LRRC8E: variants seen among roughly 807,000 people sequenced by gnomAD.
LRRC8E encodes volume-regulated anion channel subunit LRRC8E.
In LRRC8E, 6 loss-of-function variants were observed where a neutral mutation model predicts 6.1. The ratio of observed to expected loss-of-function variants is 0.98; its 90% CI spans 0.54 to 1.93. The LOEUF is 1.93. Among genes scored for constraint, LRRC8E ranks in the 30% most tolerant of loss-of-function variants. The pLI is 0.01. For synonymous variants in LRRC8E, 485 were observed against 472.8 expected (o/e 1.03, Z -0.33); for missense variants, 1,028 against 1,031.4 (o/e 1.00, Z 0.04).
chr19:7,889,100 G>A (rs550760428), intron 1 of LRRC8E, among the ~76,000 whole-genome samples: 4 of 152,146 alleles, frequency 2.6e-5, no homozygotes, highest in East Asian at 1.9e-4. Flanking sequence ...GACCCAGGAC[G>A]GGCTACAAAG....
chr19:7,895,507 CCTGCCTGTG>C lies in LRRC8E; in HGVS notation c.-5-91_-5-83del. 1 of 1,508,666 alleles carries C rather than the reference CCTGCCTGTG, an allele frequency of 6.6e-7. No individual in the cohort carries two copies. The highest frequency in any genetic ancestry group is 9.1e-7 in the Non-Finnish European group (1 of 1,100,180). 93.5% of individuals were successfully genotyped at this position (1,508,666 alleles called of 1,614,324 possible). On this transcript the variant is annotated intron_variant, in intron 1 of 2. Transcript: ENST00000306708. This position sits in a 1 kb window ranked among gnomAD's most constrained non-coding sequence, Gnocchi z 4.7. Reference sequence around the variant, plus strand: ...AAGTTTGGGCAGGGAGGGTCACAGGCCTGCCTGTGTCCGGCTCCTCGGAGGACCCCCTGC... The same window carrying C: ...AAGTTTGGGCAGGGAGGGTCACAGGCTCCGGCTCCTCGGAGGACCCCCTGC...
Position 7,900,035 on chromosome 19 carries a change from G to T in LRRC8E, c.1513G>T (p.Gly505Trp). The T allele has an allele frequency of 1.2e-6, 2 of 1,610,584 alleles. No individual in the cohort carries two copies. Among genetic ancestry groups the T allele is most frequent in the Non-Finnish European group, 1.7e-6 (2 of 1,179,388 alleles). ...CCGCGAGGTGCCGCTTTGGGTGTTTGGGCTGCGGGGCTTGGAGGAGCTGCA... is the reference window on the plus strand; with the variant it reads ...CCGCGAGGTGCCGCTTTGGGTGTTTTGGCTGCGGGGCTTGGAGGAGCTGCA... ...ELREVPLWVF[G>W]LRGLEELHLE... The change falls in exon 3 of 3, where the codon GGG becomes TGG. Residue 505 changes from glycine to tryptophan, a missense_variant. Coordinates refer to ENST00000306708, the MANE Select transcript of LRRC8E (RefSeq NM_025061.6). This position sits in a 1 kb window ranked among gnomAD's most constrained non-coding sequence, Gnocchi z 5.0.
rs777004836 is a variant in LRRC8E, at chr19:7,899,180, G to A, written c.658G>A (p.Val220Ile). The A allele has an allele frequency of 1.7e-4, 268 of 1,614,064 alleles. No homozygotes were observed. Among genetic ancestry groups the A allele is most frequent in the Non-Finnish European group, 2.2e-4 (260 of 1,180,054 alleles). Residue 220 changes from valine (V) to isoleucine (I), a missense_variant, in exon 3 of 3, where the codon GTC becomes ATC. Val to Ile is a conservative substitution (Grantham distance 29). Coordinates refer to ENST00000306708, the MANE Select transcript of LRRC8E (RefSeq NM_025061.6). ...GAAGGTGGTGACCGAGCCTCCAGTT[G>A]TCACCCTGTTGGACAAGAAGGAGGG... ...PEKVVTEPPV[V>I]TLLDKKEGEQ...
Position 7,901,618 on chromosome 19 carries a change from C to T in LRRC8E, c.*705C>T, listed in dbSNP as rs1177996047. 1 of 151,684 alleles carries T rather than the reference C, an allele frequency of 6.6e-6. No individual in the cohort carries two copies. Among genetic ancestry groups the T allele is most frequent in the East Asian group, 1.9e-4 (1 of 5,162 alleles). 9.4% of individuals were successfully genotyped at this position (151,684 alleles called of 1,614,324 possible). On this transcript the variant is annotated 3_prime_UTR_variant, in exon 3 of 3. Coordinates refer to ENST00000306708, the MANE Select transcript of LRRC8E (RefSeq NM_025061.6). Reference sequence around the variant, plus strand: ...CAGGGCCGGGCGCTGTGGCTCATGACTATAATCCCAGCTGTTTGAGAGGCC... The same window carrying T: ...CAGGGCCGGGCGCTGTGGCTCATGATTATAATCCCAGCTGTTTGAGAGGCC...
chr19:7,901,122 T>A lies in LRRC8E; in HGVS notation c.*209T>A, dbSNP rs1981992522. The A allele has an allele frequency of 4.1e-6, 2 of 490,648 alleles. No homozygotes were observed. The highest frequency in any genetic ancestry group is 7.4e-5 in the Admixed American group (2 of 27,196). The allele number at this position is 490,648 out of a possible 1,614,324, so 30.4% of individuals were successfully genotyped here. On this transcript the variant is annotated 3_prime_UTR_variant, in exon 3 of 3. Coordinates refer to ENST00000306708, the MANE Select transcript of LRRC8E (RefSeq NM_025061.6). ...GATGTTGTGGAGCTGGGGTGGAACC[T>A]GGTATGGAGGGATTAACTCAGTCAT...
At chr19:7,896,612 G>T (rs1426952088) in intron 2 of LRRC8E, among the ~76,000 whole-genome samples, 2 of 151,524 alleles carry the variant, frequency 1.3e-5, no homozygotes, top group African/African-American at 4.8e-5. Context: ...TTAAAATAAA[G>T]AAACACGGTC....
At chr19:7,893,483 T>C (rs1981420946) in intron 1 of LRRC8E, 1 of 151,534 alleles carries the variant, frequency 6.6e-6, no homozygotes, top group Non-Finnish European at 1.5e-5. Context: ...CCCTGTGCTC[T>C]GGGCACCCCC....
intron 1 of LRRC8E, among the ~76,000 whole-genome samples, chr19:7,892,657 C>A (rs990652043): frequency 6.6e-6 from 1 of 152,194 alleles, no homozygotes; most frequent in Non-Finnish European, 1.5e-5. Flanking sequence ...ACTTTATACC[C>A]TCGTGCACAA....
In LRRC8E at chr19:7,901,045, T is replaced by G; in HGVS notation, c.*132T>G. The G allele has an allele frequency of 2.8e-6, 2 of 706,590 alleles. No individual in the cohort carries two copies. The highest frequency in any genetic ancestry group is 4.4e-6 in the Non-Finnish European group (2 of 452,076). 43.8% of individuals were successfully genotyped at this position (706,590 alleles called of 1,614,324 possible). A position where few individuals can be genotyped will look rare whatever the true frequency, so the allele number is the denominator to read the frequency against. On this transcript the variant is annotated 3_prime_UTR_variant, in exon 3 of 3. Transcript: ENST00000306708. ...GGGGGGGGCGGGGGCAGCTGTGTCA[T>G]CTTTCTGGGGCCCAGGAGGATCTGG...
rs1981758527 is a variant in LRRC8E, at chr19:7,898,899, C to A, written c.377C>A (p.Thr126Lys). 1.2e-6 allele frequency: 2 copies of A among 1,614,130 alleles called. No individual in the cohort carries two copies. Among genetic ancestry groups the A allele is most frequent in the South Asian group, 1.1e-5 (1 of 91,096 alleles). The change falls in exon 3 of 3, where the codon ACA becomes AAA. Residue 126 changes from threonine (T) to lysine (K), a missense_variant. Physicochemically the swap from Thr to Lys is moderately conservative, Grantham distance 78 (BLOSUM62 -1). Transcript: ENST00000306708. ...TTCCCTTACCTCGTGGTCATTCACA[C>A]ACTCATCTTCATGGTCTGCACCAGT... ...KYFPYLVVIH[T>K]LIFMVCTSFW...
intron 1 of LRRC8E, among the ~76,000 whole-genome samples, chr19:7,893,306 A>C (rs1267779035): frequency 2.7e-5 from 4 of 150,898 alleles, no homozygotes; most frequent in Non-Finnish European, 5.9e-5. Flanking sequence ...GCACCTGGCT[A>C]ATTTTTGTAT....
chr19:7,900,071 CT>C lies in LRRC8E; in HGVS notation c.1553del (p.Phe518SerfsTer5). On this transcript the variant is annotated frameshift_variant, in exon 3 of 3. Transcript: ENST00000306708. LOFTEE classifies it low-confidence loss of function (END_TRUNC). The surrounding 1 kb of genome is among the most constrained non-coding windows in gnomAD (Gnocchi z 5.0). ...RGLEELHLEGLFPQELARAAT... is the reference protein window; with the variant it reads ...RGLEELHLEGXFPQELARAAT... ...CTTGGAGGAGCTGCACCTGGAGGGG[CT>C]TTTCCCCCAGGAGCTAGCTCGGGCA... The C allele has an allele frequency of 2.5e-6, 4 of 1,611,870 alleles. No homozygotes were observed. Among genetic ancestry groups the C allele is most frequent in the South Asian group, 1.1e-5 (1 of 90,996 alleles).
In LRRC8E at chr19:7,895,551, C is replaced by T; in HGVS notation, c.-5-48C>T. ...TCGGAGGACCCCCTGCAGAGCCTCC[C>T]ATCCTGAGGGTCTCTCTCTACACCC... On this transcript the variant is annotated intron_variant, in intron 1 of 2. Coordinates refer to ENST00000306708, the MANE Select transcript of LRRC8E (RefSeq NM_025061.6). The surrounding 1 kb of genome is among the most constrained non-coding windows in gnomAD (Gnocchi z 4.7). 6.3e-7 allele frequency: 1 copy of T among 1,589,736 alleles called. No homozygotes were observed. Among genetic ancestry groups the T allele is most frequent in the Non-Finnish European group, 8.6e-7 (1 of 1,160,740 alleles).
chr19:7,900,730 GCT>G lies in LRRC8E; in HGVS notation c.2212_2213del (p.Ser738AlafsTer68). ...LLLGDNQLSQ[L>X]SPHVGALRAL... The stretch of plus-strand genomic sequence containing the variant: ...TTCTGGGCGACAACCAGCTGAGCCA[GCT>G]CTCGCCCCACGTGGGTGCCCTCAGA... On this transcript the variant is annotated frameshift_variant, in exon 3 of 3. Coordinates refer to ENST00000306708, the MANE Select transcript of LRRC8E (RefSeq NM_025061.6). LOFTEE classifies it low-confidence loss of function (END_TRUNC). The surrounding 1 kb of genome is among the most constrained non-coding windows in gnomAD (Gnocchi z 5.0). The G allele has an allele frequency of 7.4e-6, 12 of 1,613,098 alleles. No individual in the cohort carries two copies. The highest frequency in any genetic ancestry group is 1.0e-5 in the Non-Finnish European group (12 of 1,179,874).
rs760389916 is a variant in LRRC8E at position 7,899,661 on chromosome 19, G to A, written c.1139G>A (p.Arg380His). 29 of 1,613,566 alleles carry A rather than the reference G, an allele frequency of 1.8e-5. No individual in the cohort carries two copies. Among genetic ancestry groups the A allele is most frequent in the Admixed American group, 5.0e-5 (3 of 60,002 alleles). ...CAGTACGACTCCCTCTACTCCAAGC[G>A]CTTCGCCGTCTTCCTGTCCGAGGTC... is the stretch of plus-strand genomic sequence containing the variant. ...IDQYDSLYSK[R>H]FAVFLSEVSE... Residue 380 changes from arginine to histidine, a missense_variant, in exon 3 of 3, where the codon CGC becomes CAC. Transcript: ENST00000306708.
intron 1 of LRRC8E, among the ~76,000 whole-genome samples, chr19:7,894,832 A>G (rs1415748204): frequency 6.6e-6 from 1 of 152,192 alleles, no homozygotes; most frequent in Non-Finnish European, 1.5e-5. Flanking sequence ...CGCAGATGTC[A>G]CCTGACAACT....
rs754101000 is a variant in LRRC8E, at chr19:7,900,670, A to G, written c.2148A>G (p.Glu716=). ...ACAATGCCCTGGAGGCCCTGCCCGA[A>G]GAGCTCTTCTTCTGCCGCAAGCTGC... is the stretch of plus-strand genomic sequence containing the variant. The part of the protein sequence containing the change: ...LSYNALEALP[E]ELFFCRKLRT... Residue 716 remains glutamate, a synonymous_variant, in exon 3 of 3, where the codon GAA becomes GAG. Transcript: ENST00000306708. The surrounding 1 kb of genome is among the most constrained non-coding windows in gnomAD (Gnocchi z 5.0). The G allele has an allele frequency of 6.2e-7, 1 of 1,613,436 alleles. No homozygotes were observed. Among genetic ancestry groups the G allele is most frequent in the Non-Finnish European group, 8.5e-7 (1 of 1,180,044 alleles).
intron 2 of LRRC8E, among the ~76,000 whole-genome samples, chr19:7,896,522 C>G (rs1035954492): frequency 6.6e-6 from 1 of 151,154 alleles, no homozygotes; most frequent in African/African-American, 2.4e-5. Context: ...TGCAGTGAGC[C>G]GAGATCATGC....
In LRRC8E at chr19:7,899,102, G is replaced by C. The variant is rs748956991; in HGVS notation, c.580G>C (p.Gly194Arg). ...CACCATAGTGGCCATGGCAGGGACC[G>C]GGCCGGGGAAGGCAGGGGAGGGTGA... ...AATIVAMAGT[G>R]PGKAGEGEKE... Residue 194 changes from glycine (G) to arginine (R), a missense_variant, in exon 3 of 3, where the codon GGG (glycine) becomes CGG (arginine). Gly to Arg is a moderately radical substitution (Grantham distance 125). Coordinates refer to ENST00000306708, the MANE Select transcript of LRRC8E (RefSeq NM_025061.6). 8.7e-6 allele frequency: 14 copies of C among 1,612,866 alleles called. No homozygotes were observed. The South Asian group carries it at 1.5e-4, about 18-fold the overall frequency.
Sources: allele counts gnomAD v4.1 joint callset (sites outside exome capture counted in the v4.1 genomes callset), GRCh38; gene constraint gnomAD v4.1.1; non-coding constraint Gnocchi (gnomAD v3.1); transcripts MANE v1.5; gene names NCBI Gene and HGNC (gene_info 2026-07-23, HGNC 2026-07-21).